Variants in PPP1R3F observed in about 807,000 individuals in gnomAD.
PPP1R3F encodes protein phosphatase 1, regulatory (inhibitor) subunit 3F.
A neutral mutation model predicts 24.2 loss-of-function variants in PPP1R3F; 29 were observed. That is an observed-to-expected ratio of 1.20 (90% CI 0.89 to 1.63). PPP1R3F has a LOEUF of 1.63. Among genes scored for constraint, PPP1R3F ranks in the 40% most tolerant of loss-of-function variants. PPP1R3F has a pLI of 0.00. For missense variants in PPP1R3F, 823 were observed against 729.3 expected (o/e 1.13, Z -1.48); for synonymous variants, 363 against 340.1 (o/e 1.07, Z -0.74).
intron 2 of PPP1R3F, among the ~76,000 whole-genome samples, chrX:49,281,715 C>CTACTCG (rs1410241573): frequency 2.4e-4 from 26 of 109,029 alleles, no homozygotes; most frequent in African/African-American, 8.7e-4. Context: ...GTAGTCCCTG[C>CTACTCG]TACTCGGGAG....
At position 49,270,424 on chromosome X, in the gene PPP1R3F, C is replaced by G; in HGVS notation, c.555C>G (p.His185Gln). 1 of 1,188,790 alleles carries G rather than the reference C, an allele frequency of 8.4e-7. No homozygotes were observed. Among genetic ancestry groups the G allele is most frequent in the Non-Finnish European group, 1.1e-6 (1 of 889,413 alleles). Residue 185 changes from histidine to glutamine, a missense_variant, in exon 1 of 4, where the codon CAC becomes CAG. Coordinates refer to ENST00000055335, the MANE Select transcript of PPP1R3F (RefSeq NM_033215.5). ...FEKAVHVRAS[H>Q]DGWASFCDHP... is the part of the protein sequence containing the mutation. ...AGGCGGTGCACGTGCGGGCCTCACACGACGGCTGGGCTTCCTTTTGCGACC... is the reference window on the plus strand; with the variant it reads ...AGGCGGTGCACGTGCGGGCCTCACAGGACGGCTGGGCTTCCTTTTGCGACC...
At chrX:49,290,338 G>A (rs1396561237), downstream of PPP1R3F, among the ~76,000 whole-genome samples, 1 of 110,922 alleles carries the variant, frequency 9.0e-6, no homozygotes, top group East Asian at 2.9e-4. Flanking sequence ...CCTGACACCA[G>A]CCATAGAGTG....
At chrX:49,290,069 CA>C (rs2066304207), downstream of PPP1R3F, among the ~76,000 whole-genome samples, 1 of 106,125 alleles carries the variant, frequency 9.4e-6, no homozygotes, top group South Asian at 4.0e-4. Context: ...ACTCTTGTCT[CA>C]AAAAAACAAA....
chrX:49,282,071 G>A lies in PPP1R3F; in HGVS notation c.1143+8G>A, dbSNP rs1557120791. On this transcript the variant is annotated splice_region_variant and intron_variant, in intron 3 of 3. Coordinates refer to ENST00000055335, the MANE Select transcript of PPP1R3F (RefSeq NM_033215.5). ...CCCCAGATGACACTTCAGGTAAGTG[G>A]GTCCTTGCAGCCTTGGAGTAGACAG... The A allele has an allele frequency of 2.5e-5, 30 of 1,182,891 alleles. No individual in the cohort carries two copies. Among genetic ancestry groups the A allele is most frequent in the Non-Finnish European group, 3.0e-5 (26 of 869,961 alleles).
intron 3 of PPP1R3F, among the ~76,000 whole-genome samples, chrX:49,283,766 A>G (rs1377027816): frequency 1.8e-5 from 2 of 110,941 alleles, no homozygotes; most frequent in Non-Finnish European, 3.8e-5. Context: ...CATTTTTATT[A>G]ATTTATTAAT....
chrX:49,285,807 G>GC, intron 3 of PPP1R3F, 27 bp from the exon 4 acceptor site: 2 of 1,109,744 alleles, frequency 1.8e-6, no homozygotes, highest in Non-Finnish European at 2.4e-6. Flanking sequence ...CTTTTTCTCT[G>GC]CCCCCTTGCC....
In PPP1R3F at chrX:49,286,027, C is replaced by T. The variant is rs782513363; in HGVS notation, c.1337C>T (p.Pro446Leu). The T allele has an allele frequency of 8.5e-7, 1 of 1,178,132 alleles. No individual in the cohort carries two copies. Among genetic ancestry groups the T allele is most frequent in the East Asian group, 3.0e-5 (1 of 33,122 alleles). The change falls in exon 4 of 4, where the codon CCT becomes CTT. Residue 446 changes from proline (P) to leucine (L), a missense_variant. Pro to Leu is a moderately conservative substitution (Grantham distance 98, BLOSUM62 -3). Transcript: ENST00000055335. ...GPDASEGATG[P>L]FLEPSQQQAE... ...GATGCGAGCGAGGGGGCCACCGGGC[C>T]TTTCCTGGAGCCCAGTCAGCAGCAG...
chrX:49,295,440 G>A (rs782015685), intron 3 of PPP1R3F, among the ~76,000 whole-genome samples: 19 of 112,216 alleles, frequency 1.7e-4, no homozygotes, highest in African/African-American at 5.5e-4. Flanking sequence ...CACTGCACCC[G>A]GTCACATTGA....
chrX:49,290,299 G>A (rs1272108810), downstream of PPP1R3F, among the ~76,000 whole-genome samples: 15 of 110,196 alleles, frequency 1.4e-4, no homozygotes, highest in Admixed American at 1.3e-3. Flanking sequence ...TGTGGAGATC[G>A]ACTAGTGGGG....
downstream of PPP1R3F, among the ~76,000 whole-genome samples, chrX:49,288,835 C>T (rs988462047): frequency 1.5e-4 from 17 of 112,103 alleles, no homozygotes; most frequent in Non-Finnish European, 7.5e-5. Context: ...AAAACCAAAG[C>T]GCTTTAAGAA....
downstream of PPP1R3F, among the ~76,000 whole-genome samples, chrX:49,291,528 A>G (rs938046702): frequency 9.2e-6 from 1 of 108,436 alleles, no homozygotes; most frequent in Non-Finnish European, 1.9e-5. Flanking sequence ...GGGTTTCACC[A>G]TGTTGGCCAG....
rs375387801 is a variant in PPP1R3F, at chrX:49,286,948, G to A, written c.2258G>A (p.Cys753Tyr). The change falls in exon 4 of 4, where the codon TGT becomes TAT. Residue 753 changes from cysteine (C) to tyrosine (Y), a missense_variant. Transcript: ENST00000055335. ...CTAGCAGTCCCTGCAGAATGTGTGTGTGCACTGCCTCCTCAGCTCCGGGGG... is the reference window on the plus strand; with the variant it reads ...CTAGCAGTCCCTGCAGAATGTGTGTATGCACTGCCTCCTCAGCTCCGGGGG... ...PTLAVPAECV[C>Y]ALPPQLRGPL... The A allele has an allele frequency of 8.3e-7, 1 of 1,208,800 alleles. No homozygotes were observed. The highest frequency in any genetic ancestry group is 1.7e-5 in the African/African-American group (1 of 57,474).
chrX:49,278,746 A>G (rs12010152), intron 1 of PPP1R3F, among the ~76,000 whole-genome samples: 8,534 of 112,379 alleles, frequency 0.076, 799 homozygotes, highest in African/African-American at 0.26. Flanking sequence ...CTAGCCACGC[A>G]TGTCCCAGGC....
intron 1 of PPP1R3F, chrX:49,273,188 T>G (rs1196805441): frequency 9.0e-6 from 1 of 110,635 alleles, no homozygotes; most frequent in Admixed American, 9.6e-5. Context: ...CTACCTTCAT[T>G]TCTATCACTT....
At position 49,299,613 on chromosome X, in the gene PPP1R3F, C is replaced by T. The variant is rs782501278; in HGVS notation, c.393-1738C>T. 4.5e-5 allele frequency among the ~76,000 whole-genome samples: 5 copies of T among 111,866 alleles called. No individual in the cohort carries two copies. The South Asian group carries it at 1.5e-3, about 33-fold the overall frequency. Reference sequence around the variant, plus strand: ...AGTCTGCTGAAGCTGTGCCCACAGCCGCCCCTTCCCCCAGGTGCTCTGTCC... The same window carrying T: ...AGTCTGCTGAAGCTGTGCCCACAGCTGCCCCTTCCCCCAGGTGCTCTGTCC... On this transcript the variant is annotated intron_variant, in intron 3 of 3. Coordinates refer to the PPP1R3F transcript ENST00000471261.
rs377106310 is a variant in PPP1R3F, at chrX:49,270,889, G to T, written c.1004+16G>T. On this transcript the variant is annotated intron_variant, in intron 1 of 3. Transcript: ENST00000055335. The stretch of plus-strand genomic sequence containing the variant: ...TGAGGCGCAGGTAATGTCAGCCAGC[G>T]CCACCTCCGCCAACGCAGGGCTGTG... 147 of 1,155,324 alleles carry T rather than the reference G, an allele frequency of 1.3e-4. 1 individual carries two copies. The highest frequency in any genetic ancestry group is 1.6e-4 in the Non-Finnish European group (139 of 866,826).
chrX:49,270,715 A>G lies in PPP1R3F; in HGVS notation c.846A>G (p.Thr282=). ...FWANNHGRNY[T]VLLRIAPAPT... Reference sequence around the variant, plus strand: ...CCAACAACCACGGCCGCAACTACACAGTCCTGCTCCGGATCGCACCCGCTC... The same window carrying G: ...CCAACAACCACGGCCGCAACTACACGGTCCTGCTCCGGATCGCACCCGCTC... The change falls in exon 1 of 4, where the codon ACA becomes ACG. Residue 282 remains threonine, a synonymous_variant. Transcript: ENST00000055335. 1 of 1,207,693 alleles carries G rather than the reference A, an allele frequency of 8.3e-7. No homozygotes were observed. The highest frequency in any genetic ancestry group is 1.1e-6 in the Non-Finnish European group (1 of 893,535).
chrX:49,271,863 C>T (rs1190867326), intron 1 of PPP1R3F, among the ~76,000 whole-genome samples: 2 of 112,272 alleles, frequency 1.8e-5, no homozygotes, highest in African/African-American at 6.5e-5. Flanking sequence ...CATTTAGGGA[C>T]AGGGAGAAAT....
At position 49,270,582 on chromosome X, in the gene PPP1R3F, G is replaced by C. The variant is rs782328201; in HGVS notation, c.713G>C (p.Gly238Ala). The change falls in exon 1 of 4, where the codon GGC becomes GCC. Residue 238 changes from glycine to alanine, a missense_variant. Coordinates refer to ENST00000055335, the MANE Select transcript of PPP1R3F (RefSeq NM_033215.5). ...TCCGCCTCCTCGCCCGACGACGGCG[G>C]CCGCACCGACCGCTTTGCCTTCCAG... ...QASASSPDDG[G>A]RTDRFAFQLP... is the part of the protein sequence containing the mutation. 8.3e-7 allele frequency: 1 copy of C among 1,202,898 alleles called. No individual in the cohort carries two copies. The highest frequency in any genetic ancestry group is 1.8e-5 in the South Asian group (1 of 56,530).
Sources: gnomAD v4.1 joint callset for allele counts (sites outside exome capture counted in the v4.1 genomes callset) on GRCh38, gnomAD v4.1.1 for gene constraint, MANE v1.5 for transcripts, NCBI Gene and HGNC (gene_info 2026-07-23, HGNC 2026-07-21) for gene names.